Variants in ANAPC10 observed in about 807,000 individuals in gnomAD.
ANAPC10 encodes the protein anaphase-promoting complex subunit 10.
ANAPC10 carries 12 observed loss-of-function variants against 22.0 expected under a neutral mutation model. The observed-to-expected ratio is 0.55, with a 90% confidence interval of 0.35 to 0.88. The LOEUF (loss-of-function observed/expected upper bound fraction) is 0.88, where lower values mean the gene tolerates loss of function less well. Among genes scored for constraint, ANAPC10 ranks in the 40% least tolerant of loss-of-function variants. The pLI is 0.01. For synonymous variants in ANAPC10, 65 were observed against 69.5 expected (o/e 0.94, Z 0.32); for missense variants, 188 against 220.9 (o/e 0.85, Z 0.94).
chr4:145,092,590 C>A (rs574116008), intron 2 of ANAPC10, among the ~76,000 whole-genome samples: 3 of 152,246 alleles, frequency 2.0e-5, no homozygotes, highest in African/African-American at 7.2e-5. Context: ...ACACTGAGAG[C>A]CCAAAACACA....
chr4:145,006,556 T>C (rs573875171), intron 4 of ANAPC10, among the ~76,000 whole-genome samples: 2 of 152,286 alleles, frequency 1.3e-5, no homozygotes, highest in South Asian at 2.1e-4. Flanking sequence ...AAATTACTTA[T>C]GCTAGCTAAC....
chr4:145,046,690 TTAAAA>T (rs1740346247), intron 4 of ANAPC10, among the ~76,000 whole-genome samples: 1 of 152,048 alleles, frequency 6.6e-6, no homozygotes, highest in African/African-American at 2.4e-5. Context: ...GGAAATTTCA[TTAAAA>T]TAATTTTTTT....
At chr4:145,097,670 G>T in intron 1 of ANAPC10, 1 of 501,854 alleles carries the variant, frequency 2.0e-6, no homozygotes, top group Non-Finnish European at 3.5e-6. Context: ...GTTCAGTTAT[G>T]AACTAGTTGT....
At chr4:145,002,329 T>TC (rs747478225) in intron 4 of ANAPC10, among the ~76,000 whole-genome samples, 4 of 152,156 alleles carry the variant, frequency 2.6e-5, no homozygotes, top group South Asian at 4.2e-4. Flanking sequence ...AAAGACAGAC[T>TC]CCAACTCAAA....
Position 145,081,671 on chromosome 4 carries a change from G to A in ANAPC10, c.195C>T (p.Asn65=), listed in dbSNP as rs1239783666. ...QSDGSQPHLV[N]IQFRRKTTVK... ...AATGTATTAATTACCTGAATTGGAT[G>A]TTCACTAAATGAGGCTGGGAACCAT... is the stretch of plus-strand genomic sequence containing the variant. Residue 65 remains asparagine, a synonymous_variant, in exon 3 of 5, where the codon AAC becomes AAT. Transcript: ENST00000507656. The A allele has an allele frequency of 1.2e-6, 2 of 1,608,510 alleles. No homozygotes were observed. Among genetic ancestry groups the A allele is most frequent in the Admixed American group, 1.7e-5 (1 of 59,802 alleles).
intron 4 of ANAPC10, among the ~76,000 whole-genome samples, chr4:145,040,381 C>G (rs907829264): frequency 4.6e-5 from 7 of 152,202 alleles, no homozygotes; most frequent in African/African-American, 1.7e-4. Flanking sequence ...CTCCTGACCT[C>G]AGGTGATCCA....
chr4:145,078,661 A>G (rs1217775833), intron 3 of ANAPC10, among the ~76,000 whole-genome samples: 1 of 152,218 alleles, frequency 6.6e-6, no homozygotes, highest in African/African-American at 2.4e-5. Context: ...AGAGCATGGT[A>G]CTGGTACAAA....
chr4:145,083,981 TTC>T (rs2126609215), intron 2 of ANAPC10, among the ~76,000 whole-genome samples: 1 of 152,270 alleles, frequency 6.6e-6, no homozygotes, highest in South Asian at 2.1e-4. Flanking sequence ...TTTTTTTTTT[TTC>T]TTTTTGAGAC....
intron 4 of ANAPC10, among the ~76,000 whole-genome samples, chr4:145,044,844 T>C (rs1453181882): frequency 6.6e-6 from 1 of 151,934 alleles, no homozygotes; most frequent in Non-Finnish European, 1.5e-5. Context: ...TAATATAATT[T>C]CCCCCAAATT....
At chr4:145,071,838 C>T (rs1744531060) in intron 3 of ANAPC10, among the ~76,000 whole-genome samples, 1 of 152,148 alleles carries the variant, frequency 6.6e-6, no homozygotes, top group Admixed American at 6.5e-5. Flanking sequence ...CCCACAAAAG[C>T]ATCCATAAGA....
intron 4 of ANAPC10, among the ~76,000 whole-genome samples, chr4:145,045,021 T>C (rs1439261341): frequency 1.3e-5 from 2 of 152,048 alleles, no homozygotes; most frequent in Non-Finnish European, 2.9e-5. Context: ...CTTTTGCTTA[T>C]ATGTTTATAC....
At chr4:145,097,863 T>C (rs1291107815) in intron 1 of ANAPC10, 3 of 329,910 alleles carry the variant, frequency 9.1e-6, no homozygotes, top group South Asian at 7.3e-5. Context: ...TCGGAAAAGA[T>C]TGGATTCCCG....
At chr4:145,097,606 C>G (rs2124206) in intron 1 of ANAPC10, 1 of 1,120,462 alleles carries the variant, frequency 8.9e-7, no homozygotes, top group East Asian at 5.8e-5. Flanking sequence ...TTGGCAAGGC[C>G]TGAGGCTTAA....
intron 4 of ANAPC10, among the ~76,000 whole-genome samples, chr4:145,057,881 A>G (rs1742301577): frequency 1.3e-5 from 2 of 152,082 alleles, no homozygotes; most frequent in African/African-American, 4.8e-5. Flanking sequence ...ATCAGTCACA[A>G]GTCCTTTTAA....
chr4:145,082,449 G>A (rs1227353378), intron 2 of ANAPC10, among the ~76,000 whole-genome samples: 2 of 152,248 alleles, frequency 1.3e-5, no homozygotes, highest in Non-Finnish European at 2.9e-5. Context: ...ACGCCCAGCC[G>A]GATACATTTT....
intron 4 of ANAPC10, among the ~76,000 whole-genome samples, chr4:145,042,651 A>G (rs1739681285): frequency 3.3e-5 from 5 of 152,124 alleles, no homozygotes; most frequent in Admixed American, 3.3e-4. Flanking sequence ...AATCCCTCAC[A>G]AATTGAAAAA....
chr4:145,039,679 C>T (rs1739204974), intron 4 of ANAPC10, among the ~76,000 whole-genome samples: 1 of 152,052 alleles, frequency 6.6e-6, no homozygotes, highest in Non-Finnish European at 1.5e-5. Flanking sequence ...ACTGCAACCT[C>T]CACCTCCCGG....
chr4:145,088,856 T>C (rs186523953), intron 2 of ANAPC10, among the ~76,000 whole-genome samples: 220 of 152,296 alleles, frequency 1.4e-3, no homozygotes, highest in African/African-American at 5.0e-3. Flanking sequence ...TGTCCCACCA[T>C]GTCTAATTAC....
chr4:145,094,048 G>A (rs1406461626), intron 2 of ANAPC10, among the ~76,000 whole-genome samples: 5 of 152,190 alleles, frequency 3.3e-5, no homozygotes, highest in South Asian at 2.1e-4. Flanking sequence ...GTCCACAGAA[G>A]GGCATGAATA....
Sources: allele counts gnomAD v4.1 joint callset (sites outside exome capture counted in the v4.1 genomes callset), GRCh38; gene constraint gnomAD v4.1.1; transcripts MANE v1.5; gene names NCBI Gene and HGNC (gene_info 2026-07-23, HGNC 2026-07-21).